Variants in TNRC6A observed in about 807,000 individuals in gnomAD.
The protein encoded by TNRC6A is trinucleotide repeat containing adaptor 6A, also known as trinucleotide repeat-containing gene 6A protein.
Under a neutral mutation model 221.2 loss-of-function variants are expected in TNRC6A, and 44 were observed. That is an observed-to-expected ratio of 0.20 (90% CI 0.16 to 0.26). TNRC6A has a LOEUF of 0.26. Ranked by LOEUF, TNRC6A falls within the 10% of genes least tolerant of loss-of-function variation. TNRC6A has a pLI of 1.00. For missense variants in TNRC6A, 2,199 were observed against 2,404.4 expected (o/e 0.91, Z 1.79); for synonymous variants, 847 against 838.5 (o/e 1.01, Z -0.18).
At chr16:24,655,243 C>CA (rs56069860) in intron 2 of TNRC6A, among the ~76,000 whole-genome samples, 15 of 142,794 alleles carry the variant, frequency 1.1e-4, no homozygotes, top group Non-Finnish European at 2.0e-4. Context: ...GATCCTGTCT[C>CA]AAAAAAAAAA....
At chr16:24,760,352 T>C (rs1417825759) in intron 4 of TNRC6A, among the ~76,000 whole-genome samples, 1 of 152,220 alleles carries the variant, frequency 6.6e-6, no homozygotes, top group East Asian at 1.9e-4. Context: ...TCAACATCTT[T>C]GAGTACCTAG....
intron 8 of TNRC6A, chr16:24,795,593 A>T (rs2058201947): frequency 3.2e-6 from 1 of 310,152 alleles, no homozygotes; most frequent in African/African-American, 2.1e-5. Flanking sequence ...AAGGTTCCTC[A>T]CTTTTAATCC....
At chr16:24,802,814 G>A (rs1265691255) in intron 11 of TNRC6A, among the ~76,000 whole-genome samples, 2 of 152,208 alleles carry the variant, frequency 1.3e-5, no homozygotes, top group Non-Finnish European at 2.9e-5. Context: ...CTCAGCATGG[G>A]TAGAGGAAGA....
intron 2 of TNRC6A, among the ~76,000 whole-genome samples, chr16:24,733,528 G>T (rs942142612): frequency 1.3e-5 from 2 of 152,248 alleles, no homozygotes; most frequent in African/African-American, 4.8e-5. Context: ...ACTGAACTTT[G>T]AAGAATGGAA....
chr16:24,812,074 A>T (rs1434396510), intron 18 of TNRC6A, among the ~76,000 whole-genome samples: 3 of 53,954 alleles, frequency 5.6e-5, no homozygotes, highest in Non-Finnish European at 8.0e-5. Context: ...TTTGAGACAG[A>T]GTCTCACTCG....
At chr16:24,754,703 A>G (rs985115254) in intron 3 of TNRC6A, among the ~76,000 whole-genome samples, 7 of 152,148 alleles carry the variant, frequency 4.6e-5, no homozygotes, top group Non-Finnish European at 1.0e-4. Context: ...AAATAGGTTA[A>G]TTATAGAGGG....
At chr16:24,815,643 C>T in intron 19 of TNRC6A, 1 of 310,982 alleles carries the variant, frequency 3.2e-6, no homozygotes, top group Non-Finnish European at 6.3e-6. Flanking sequence ...ATCACGAGGT[C>T]AGGAGATCGA....
At chr16:24,685,088 G>A (rs2055600539) in intron 2 of TNRC6A, among the ~76,000 whole-genome samples, 1 of 151,946 alleles carries the variant, frequency 6.6e-6, no homozygotes, top group African/African-American at 2.4e-5. Context: ...CTTCCAGAGG[G>A]GTCTCTCTCT....
At chr16:24,690,489 T>C (rs759847413) in intron 2 of TNRC6A, among the ~76,000 whole-genome samples, 18 of 152,112 alleles carry the variant, frequency 1.2e-4, no homozygotes, top group Non-Finnish European at 1.2e-4. Context: ...TAATTTCTAT[T>C]ATAATAAAAT....
Position 24,631,076 on chromosome 16 carries a change from T to C in TNRC6A, n.277-9808T>C, listed in dbSNP as rs180846478. On this transcript the variant is annotated intron_variant and non_coding_transcript_variant, in intron 1 of 2. Transcript: ENST00000566108. ...GCGCCAATTCATTCTGGAGAAGAAC[T>C]CTTGGAATCAGAGAATTCTAAATTT... Among the ~76,000 whole-genome samples, 281 of 152,052 alleles carry C rather than the reference T, an allele frequency of 1.8e-3. 1 individual carries two copies. Among genetic ancestry groups the C allele is most frequent in the African/African-American group, 6.6e-3 (272 of 41,486 alleles).
At chr16:24,631,784 C>A (rs775567673) in intron 1 of TNRC6A, among the ~76,000 whole-genome samples, 35 of 148,390 alleles carry the variant, frequency 2.4e-4, no homozygotes, top group Non-Finnish European at 4.2e-4. Context: ...AAAAAAAAAA[C>A]AACAAAAAAA....
intron 2 of TNRC6A, among the ~76,000 whole-genome samples, chr16:24,666,466 C>T (rs1274248731): frequency 1.6e-4 from 19 of 119,642 alleles, no homozygotes; most frequent in Middle Eastern, 4.3e-3. Flanking sequence ...AGCAAGACTC[C>T]GTCTCAAAAA....
chr16:24,707,798 C>A (rs2056125680), intron 2 of TNRC6A, among the ~76,000 whole-genome samples: 1 of 152,196 alleles, frequency 6.6e-6, no homozygotes. Flanking sequence ...GTGGCTCACG[C>A]CTGTAATCCC....
chr16:24,805,366 T>G, intron 14 of TNRC6A: 1 of 946,390 alleles, frequency 1.1e-6, no homozygotes, highest in Non-Finnish European at 1.5e-6. Flanking sequence ...AAAACATTCT[T>G]GAGAGTAGGA....
chr16:24,807,117 C>A (rs934975732), intron 17 of TNRC6A, among the ~76,000 whole-genome samples: 15 of 151,914 alleles, frequency 9.9e-5, no homozygotes, highest in African/African-American at 3.4e-4. Context: ...GCGATTCTCG[C>A]ACCTCAGCTT....
At chr16:24,680,485 C>T (rs2055509910) in intron 2 of TNRC6A, among the ~76,000 whole-genome samples, 3 of 151,228 alleles carry the variant, frequency 2.0e-5, no homozygotes, top group Non-Finnish European at 2.9e-5. Flanking sequence ...TTTGGGAGGT[C>T]GAGGCAGGCA....
intron 2 of TNRC6A, among the ~76,000 whole-genome samples, chr16:24,737,141 T>C (rs1189008014): frequency 6.6e-6 from 1 of 152,118 alleles, no homozygotes; most frequent in Non-Finnish European, 1.5e-5. Flanking sequence ...ATTGAATGTA[T>C]GCCAAAATAA....
intron 2 of TNRC6A, among the ~76,000 whole-genome samples, chr16:24,676,940 T>C (rs1301681337): frequency 6.6e-6 from 1 of 152,178 alleles, no homozygotes; most frequent in Non-Finnish European, 1.5e-5. Flanking sequence ...AAGGTTCCTC[T>C]AGCCTTCTTT....
intron 2 of TNRC6A, among the ~76,000 whole-genome samples, chr16:24,713,455 A>AT (rs914271163): frequency 6.5e-5 from 6 of 91,940 alleles, no homozygotes; most frequent in South Asian, 6.9e-4. Flanking sequence ...CAAACAAAAA[A>AT]ATATATATAT....
Sources: gnomAD v4.1 joint callset for allele counts (sites outside exome capture counted in the v4.1 genomes callset) on GRCh38, gnomAD v4.1.1 for gene constraint, MANE v1.5 for transcripts, NCBI Gene and HGNC (gene_info 2026-07-23, HGNC 2026-07-21) for gene names.